The following HACD2 variants were observed in gnomAD, a reference collection of about 807,000 sequenced individuals.
HACD2 encodes the protein 3-hydroxyacyl-CoA dehydratase 2, also known as very-long-chain (3R)-3-hydroxyacyl-CoA dehydratase 2.
In HACD2, 15 loss-of-function variants were observed where a neutral mutation model predicts 31.0. That is an observed-to-expected ratio of 0.48 (90% CI 0.32 to 0.75). The LOEUF is 0.75. HACD2 is among the 30% of genes least tolerant of loss of function. HACD2 has a pLI of 0.03. For synonymous variants in HACD2, 115 were observed against 122.2 expected (o/e 0.94, Z 0.39); for missense variants, 283 against 313.0 (o/e 0.90, Z 0.72).
At chr3:123,543,579 T>C (rs2107722759) in intron 3 of HACD2, 1 of 267,586 alleles carries the variant, frequency 3.7e-6, no homozygotes, top group East Asian at 1.1e-4. Context: ...ACCATGTGAA[T>C]GAATTACTTA....
intron 4 of HACD2, among the ~76,000 whole-genome samples, chr3:123,512,305 A>C (rs77286247): frequency 0.025 from 3,745 of 152,294 alleles, 65 homozygotes; most frequent in Middle Eastern, 0.088. Flanking sequence ...CACAAATATT[A>C]AAAAAAGAAA....
chr3:123,510,838 A>G (rs574240610), intron 4 of HACD2, among the ~76,000 whole-genome samples: 2 of 152,044 alleles, frequency 1.3e-5, no homozygotes, highest in South Asian at 4.2e-4. Flanking sequence ...AGAAACTGCC[A>G]AACTGTTGTC....
Position 123,584,998 on chromosome 3 carries a change from C to T in HACD2, c.30G>A (p.Ala10=), listed in dbSNP as rs1335768391. 3.9e-5 allele frequency: 60 copies of T among 1,519,788 alleles called. No homozygotes were observed. The highest frequency in any genetic ancestry group is 5.0e-5 in the Non-Finnish European group (57 of 1,134,836). 94.1% of individuals were successfully genotyped at this position (1,519,788 alleles called of 1,614,324 possible). The change falls in exon 1 of 7, where the codon GCG becomes GCA. Residue 10 remains alanine, a synonymous_variant. Transcript: ENST00000383657. MAAVAATAA[A]KGNGGGGGRA... Reference sequence around the variant, plus strand: ...TGCCACCGCCGCCCCCATTCCCCTTCGCTGCTGCAGTCGCCGCCACTGCCG... The same window carrying T: ...TGCCACCGCCGCCCCCATTCCCCTTTGCTGCTGCAGTCGCCGCCACTGCCG...
chr3:123,544,041 G>A (rs1433123665), intron 3 of HACD2, among the ~76,000 whole-genome samples: 1 of 152,182 alleles, frequency 6.6e-6, no homozygotes, highest in East Asian at 1.9e-4. Flanking sequence ...GGACTCTTGA[G>A]TGCTGTTCAC....
intron 3 of HACD2, among the ~76,000 whole-genome samples, chr3:123,534,695 G>A (rs746509755): frequency 7.9e-5 from 12 of 151,988 alleles, no homozygotes; most frequent in Non-Finnish European, 1.6e-4. Flanking sequence ...ATAGGAGATG[G>A]CAGCTCCATG....
intron 6 of HACD2, among the ~76,000 whole-genome samples, 183 bp downstream of exon 6, chr3:123,500,332 C>T (rs1424723440): frequency 2.6e-5 from 4 of 152,182 alleles, no homozygotes; most frequent in African/African-American, 9.7e-5. Context: ...AAGGGTTCAT[C>T]TTTATTCAAT....
intron 4 of HACD2, 109 bp downstream of exon 4, chr3:123,528,277 G>T: frequency 1.4e-6 from 1 of 716,520 alleles, no homozygotes; most frequent in South Asian, 1.6e-5. Flanking sequence ...ATATTGACAT[G>T]ACCTGGAACT....
chr3:123,556,220 T>TG (rs1380819832), intron 3 of HACD2, among the ~76,000 whole-genome samples: 1 of 152,062 alleles, frequency 6.6e-6, no homozygotes, highest in Non-Finnish European at 1.5e-5. Flanking sequence ...GCAGATCTAT[T>TG]GACCCCAGGA....
intron 1 of HACD2, 102 bp downstream of exon 1, chr3:123,584,771 C>T (rs2057009016): frequency 1.0e-6 from 1 of 968,238 alleles, no homozygotes; most frequent in Non-Finnish European, 1.4e-6. Context: ...CGGGAATGCA[C>T]TGCCTGCGGC....
At chr3:123,517,030 A>AT (rs2056146823) in intron 4 of HACD2, among the ~76,000 whole-genome samples, 1 of 152,208 alleles carries the variant, frequency 6.6e-6, no homozygotes, top group African/African-American at 2.4e-5. Flanking sequence ...TCAGAAAAAC[A>AT]TATTAAGTGC....
At chr3:123,572,540 T>C (rs2056865742) in intron 2 of HACD2, among the ~76,000 whole-genome samples, 3 of 152,064 alleles carry the variant, frequency 2.0e-5, no homozygotes, top group Non-Finnish European at 4.4e-5. Context: ...AACCATAAAC[T>C]CCTCTCTCCT....
At chr3:123,511,837 A>G (rs889831321) in intron 4 of HACD2, among the ~76,000 whole-genome samples, 1 of 152,146 alleles carries the variant, frequency 6.6e-6, no homozygotes, top group African/African-American at 2.4e-5. Context: ...TCCAAACCTC[A>G]TGTTGAAATC....
intron 2 of HACD2, among the ~76,000 whole-genome samples, chr3:123,581,343 A>G (rs1345715786): frequency 1.3e-5 from 2 of 152,192 alleles, no homozygotes; most frequent in Non-Finnish European, 2.9e-5. Flanking sequence ...AGCAAAGTCT[A>G]TAGTCCCTTG....
chr3:123,531,363 A>C (rs556969150), intron 3 of HACD2, among the ~76,000 whole-genome samples: 1 of 152,100 alleles, frequency 6.6e-6, no homozygotes, highest in African/African-American at 2.4e-5. Flanking sequence ...TCTATCGCCC[A>C]GGCTGGAATG....
At chr3:123,582,175 ATG>A (rs767056774) in intron 2 of HACD2, 35 bp downstream of exon 2, 1 of 1,333,890 alleles carries the variant, frequency 7.5e-7, no homozygotes, top group Non-Finnish European at 1.0e-6. Flanking sequence ...CTTCATACCA[ATG>A]GAAATCAATA....
rs940313046 is a variant in HACD2, at chr3:123,522,348, AAG to A, written c.381+6036_381+6037del. On this transcript the variant is annotated intron_variant, in intron 4 of 6. Coordinates refer to ENST00000383657, the MANE Select transcript of HACD2 (RefSeq NM_198402.5). ...GTCTCCAAACAAAAAAAAAAAAAAA[AAG>A]AGAGAGAGAGAGAAGTGAATCTACA... Among the ~76,000 whole-genome samples, 67 of 149,994 alleles carry A rather than the reference AAG, an allele frequency of 4.5e-4. 1 individual carries two copies. Among genetic ancestry groups the A allele is most frequent in the Middle Eastern group, 7.0e-3 (2 of 284 alleles).
Position 123,493,280 on chromosome 3 carries a change from C to T in HACD2, c.*1608G>A, listed in dbSNP as rs984850241. The T allele has an allele frequency of 1.3e-5, 2 of 152,276 alleles. No homozygotes were observed. The highest frequency in any genetic ancestry group is 1.9e-4 in the East Asian group (1 of 5,178). 9.4% of individuals were successfully genotyped at this position (152,276 alleles called of 1,614,324 possible). On this transcript the variant is annotated 3_prime_UTR_variant, in exon 7 of 7. Coordinates refer to ENST00000383657, the MANE Select transcript of HACD2 (RefSeq NM_198402.5). ...CTGAGGCAGGAGGATGGCGTGAACC[C>T]GGGAGGTGGAGCTTGCAGTGAGCTG... is the stretch of plus-strand genomic sequence containing the variant.
intron 2 of HACD2, among the ~76,000 whole-genome samples, chr3:123,574,513 TA>T (rs1337564463): frequency 1.3e-5 from 2 of 152,146 alleles, no homozygotes; most frequent in Non-Finnish European, 2.9e-5. Flanking sequence ...CTCCTGCCAT[TA>T]AAAAAATTAA....
At chr3:123,578,189 TCAGTA>T in intron 2 of HACD2, among the ~76,000 whole-genome samples, 1 of 152,350 alleles carries the variant, frequency 6.6e-6, no homozygotes, top group Middle Eastern at 3.4e-3. Flanking sequence ...CAGGCATATA[TCAGTA>T]ATTCATTTGC....
Sources: gnomAD v4.1 joint callset for allele counts (sites outside exome capture counted in the v4.1 genomes callset) on GRCh38, gnomAD v4.1.1 for gene constraint, MANE v1.5 for transcripts, NCBI Gene and HGNC (gene_info 2026-07-23, HGNC 2026-07-21) for gene names.